AVEN: variants seen among roughly 807,000 people sequenced by gnomAD.
The protein encoded by AVEN is apoptosis and caspase activation inhibitor.
A neutral mutation model predicts 38.1 loss-of-function variants in AVEN; 41 were observed. The ratio of observed to expected loss-of-function variants is 1.08; its 90% CI spans 0.84 to 1.40. AVEN has a LOEUF of 1.40. AVEN is among the 40% of genes most tolerant of loss of function. The pLI is 0.00. For missense variants in AVEN, 605 were observed against 438.8 expected (o/e 1.38, Z -3.38); for synonymous variants, 206 against 171.8 (o/e 1.20, Z -1.56).
At chr15:33,933,524 CAGAGAGAGAGAG>C (rs3086294) in intron 2 of AVEN, among the ~76,000 whole-genome samples, 655 of 46,390 alleles carry the variant, frequency 0.014, 10 homozygotes, top group East Asian at 0.034. Flanking sequence ...CACACACACA[CAGAGAGAGAGAG>C]AGAGAGAGAG....
chr15:34,064,859 A>T (rs1900469581), intron 4 of AVEN: 1 of 178,352 alleles, frequency 5.6e-6, no homozygotes, highest in South Asian at 1.6e-4. Flanking sequence ...TGCAGCTATT[A>T]TGTGGTCTAT....
chr15:34,044,874 C>A (rs1899628915), intron 5 of AVEN, among the ~76,000 whole-genome samples: 3 of 152,088 alleles, frequency 2.0e-5, no homozygotes. Context: ...TAGGGTGAAA[C>A]CCCGTCTCTT....
the AVEN span, chr15:33,853,559 TCAA>T: frequency 1.2e-6 from 2 of 1,613,620 alleles, no homozygotes; most frequent in Non-Finnish European, 1.7e-6. Context: ...CTTCAGGTGA[TCAA>T]CAAGTATGGA....
At chr15:34,070,320 C>T (rs906257575) in intron 2 of AVEN, among the ~76,000 whole-genome samples, 1 of 151,924 alleles carries the variant, frequency 6.6e-6, no homozygotes, top group African/African-American at 2.4e-5. Flanking sequence ...AGCCAAATCA[C>T]CCTGTCCTGT....
chr15:34,022,913 C>T (rs1898268076), intron 1 of AVEN, among the ~76,000 whole-genome samples: 1 of 152,186 alleles, frequency 6.6e-6, no homozygotes, highest in Non-Finnish European at 1.5e-5. Flanking sequence ...TGAGGCCGGG[C>T]GCGGTGGCTC....
At chr15:33,854,413 C>G, downstream of AVEN, 1 of 1,575,312 alleles carries the variant, frequency 6.3e-7, no homozygotes, top group Non-Finnish European at 8.6e-7. Flanking sequence ...ACATGAAGTA[C>G]CATATCTGGA....
chr15:33,993,950 G>A (rs1226368658), intron 2 of AVEN, among the ~76,000 whole-genome samples: 1 of 152,130 alleles, frequency 6.6e-6, no homozygotes, highest in African/African-American at 2.4e-5. Flanking sequence ...ACTTATTTAA[G>A]TATTCATTCC....
chr15:33,914,445 C>T (rs910600729), intron 2 of AVEN, among the ~76,000 whole-genome samples: 5 of 151,794 alleles, frequency 3.3e-5, no homozygotes, highest in Non-Finnish European at 7.4e-5. Flanking sequence ...CTGGTACAAC[C>T]GTATAGCAAT....
At chr15:33,923,492 T>TA (rs1350854764) in intron 2 of AVEN, among the ~76,000 whole-genome samples, 1 of 152,222 alleles carries the variant, frequency 6.6e-6, no homozygotes, top group East Asian at 1.9e-4. Flanking sequence ...TTTCAGTAAA[T>TA]AGTTAAATAG....
chr15:33,952,625 A>G (rs1894794791), intron 2 of AVEN, among the ~76,000 whole-genome samples: 1 of 152,208 alleles, frequency 6.6e-6, no homozygotes, highest in Non-Finnish European at 1.5e-5. Flanking sequence ...AAAAATAGAT[A>G]TTAAATATGC....
chr15:34,026,400 A>T (rs1567475297), intron 1 of AVEN, among the ~76,000 whole-genome samples: 1 of 152,138 alleles, frequency 6.6e-6, no homozygotes, highest in Non-Finnish European at 1.5e-5. Flanking sequence ...AACCTTTTAT[A>T]TTAAAGGGGA....
chr15:33,955,130 T>C (rs1033069491), intron 2 of AVEN, among the ~76,000 whole-genome samples: 7 of 152,338 alleles, frequency 4.6e-5, no homozygotes, highest in African/African-American at 1.7e-4. Context: ...ATCTATAACC[T>C]TAAGTGTCAG....
At chr15:33,925,951 C>T (rs952083828) in intron 2 of AVEN, among the ~76,000 whole-genome samples, 2 of 152,112 alleles carry the variant, frequency 1.3e-5, no homozygotes, top group African/African-American at 2.4e-5. Context: ...CTTAATTATG[C>T]CTTCTCCGCA....
intron 2 of AVEN, among the ~76,000 whole-genome samples, chr15:33,984,663 A>G (rs1198294476): frequency 6.6e-6 from 1 of 152,116 alleles, no homozygotes; most frequent in Non-Finnish European, 1.5e-5. Flanking sequence ...TGGCCTCCCA[A>G]AGTGCTCGGA....
chr15:33,860,670 T>C (rs1215134291), intron 11 of AVEN: 2 of 1,557,150 alleles, frequency 1.3e-6, no homozygotes, highest in Non-Finnish European at 1.8e-6. Context: ...GTAATGTTAC[T>C]CTAACTACTA....
intron 2 of AVEN, among the ~76,000 whole-genome samples, chr15:33,888,396 G>A (rs955887519): frequency 2.0e-5 from 3 of 152,098 alleles, no homozygotes; most frequent in Admixed American, 1.3e-4. Flanking sequence ...CACCTGATCC[G>A]ACGGAAAACA....
chr15:33,875,977 A>G lies in AVEN; in HGVS notation c.464T>C (p.Phe155Ser). ...CCATTCTTTCTCCTCAGCAAACCGGAACTGTGAGAATGAGTCCCCTAGGAA... is the reference window on the plus strand; with the variant it reads ...CCATTCTTTCTCCTCAGCAAACCGGGACTGTGAGAATGAGTCCCCTAGGAA... ...LSSAGDSFSQ[F>S]RFAEEKEWDS... The change falls in exon 3 of 6, where the codon TTC becomes TCC. Residue 155 changes from phenylalanine to serine, a missense_variant. By Grantham distance (155) the Phe-to-Ser change is radical. Coordinates refer to ENST00000306730, the MANE Select transcript of AVEN (RefSeq NM_020371.3). 1 of 1,613,442 alleles carries G rather than the reference A, an allele frequency of 6.2e-7. No homozygotes were observed. Among genetic ancestry groups the G allele is most frequent in the Non-Finnish European group, 8.5e-7 (1 of 1,179,938 alleles).
intron 5 of AVEN, among the ~76,000 whole-genome samples, chr15:34,056,117 T>A (rs947547370): frequency 6.6e-6 from 1 of 152,206 alleles, no homozygotes; most frequent in Admixed American, 6.5e-5. Flanking sequence ...AGCAGCTAAG[T>A]AACTGCCGTT....
rs62016998 is a variant in AVEN, at chr15:34,004,082, G to A, written c.268-873C>T. On this transcript the variant is annotated intron_variant, in intron 1 of 5. Coordinates refer to ENST00000306730, the MANE Select transcript of AVEN (RefSeq NM_020371.3). ...TTGCCTGTGTGATTGTTCAGGTAGC[G>A]TCTGTGTGAGCAACTAGTTGTATAC... 4.7e-4 allele frequency among the ~76,000 whole-genome samples: 71 copies of A among 152,124 alleles called. 1 individual carries two copies. In the South Asian group the frequency reaches 1.0e-2, roughly 21 times the overall value.
Sources: allele counts gnomAD v4.1 joint callset (sites outside exome capture counted in the v4.1 genomes callset), GRCh38; gene constraint gnomAD v4.1.1; transcripts MANE v1.5; gene names NCBI Gene and HGNC (gene_info 2026-07-23, HGNC 2026-07-21).